SHROOM4: variants seen among roughly 807,000 people sequenced by gnomAD.
SHROOM4 encodes protein Shroom4.
A neutral mutation model predicts 80.3 loss-of-function variants in SHROOM4; 17 were observed. That is an observed-to-expected ratio of 0.21 (90% CI 0.14 to 0.32). The LOEUF (loss-of-function observed/expected upper bound fraction) is 0.32. Among genes scored for constraint, SHROOM4 ranks in the 10% least tolerant of loss-of-function variants. SHROOM4 has a pLI of 1.00. For synonymous variants in SHROOM4, 400 were observed against 437.5 expected (o/e 0.91, Z 1.07); for missense variants, 993 against 1,140.3 (o/e 0.87, Z 1.86).
intron 4 of SHROOM4, among the ~76,000 whole-genome samples, chrX:50,629,028 T>C (rs1432084641): frequency 8.9e-6 from 1 of 111,859 alleles, no homozygotes; most frequent in African/African-American, 3.3e-5. Flanking sequence ...GGGGCCAGGA[T>C]TTCCTGTCCA....
At chrX:50,673,110 T>C (rs1932814671) in intron 2 of SHROOM4, among the ~76,000 whole-genome samples, 1 of 111,732 alleles carries the variant, frequency 8.9e-6, no homozygotes, top group Non-Finnish European at 1.9e-5. Flanking sequence ...AGAAATGACA[T>C]AGAAAATATG....
intron 1 of SHROOM4, among the ~76,000 whole-genome samples, chrX:50,754,765 G>A (rs931781890): frequency 2.5e-4 from 28 of 111,837 alleles, no homozygotes; most frequent in African/African-American, 8.4e-4. Flanking sequence ...TACAAGTGAC[G>A]TGCCAAACCC....
At chrX:50,796,516 T>G (rs1166086987) in intron 1 of SHROOM4, among the ~76,000 whole-genome samples, 2 of 111,282 alleles carry the variant, frequency 1.8e-5, no homozygotes, top group African/African-American at 6.5e-5. Context: ...TGGTCTAGAA[T>G]GTCGGAGGTG....
At chrX:50,619,339 C>A (rs184612609) in intron 5 of SHROOM4, among the ~76,000 whole-genome samples, 1 of 111,331 alleles carries the variant, frequency 9.0e-6, no homozygotes, top group East Asian at 2.8e-4. Context: ...CTCGCCTTTC[C>A]CTTCCCTCAG....
intron 1 of SHROOM4, among the ~76,000 whole-genome samples, chrX:50,791,852 T>A (rs1292963950): frequency 3.6e-5 from 4 of 110,724 alleles, no homozygotes; most frequent in African/African-American, 1.3e-4. Context: ...CAACAGTATG[T>A]ACATATAGAG....
At chrX:50,729,440 T>C (rs1557266127) in intron 1 of SHROOM4, among the ~76,000 whole-genome samples, 1 of 110,752 alleles carries the variant, frequency 9.0e-6, no homozygotes, top group African/African-American at 3.3e-5. Context: ...TACAGATGAA[T>C]AGAGATTATA....
At chrX:50,626,153 G>A (rs782722766) in intron 5 of SHROOM4, among the ~76,000 whole-genome samples, 4 of 111,667 alleles carry the variant, frequency 3.6e-5, no homozygotes, top group Admixed American at 9.5e-5. Flanking sequence ...ATCTGGCTTT[G>A]TACCCAGGCA....
chrX:50,775,366 C>A (rs144236259), intron 1 of SHROOM4, among the ~76,000 whole-genome samples: 2 of 111,247 alleles, frequency 1.8e-5, no homozygotes, highest in African/African-American at 3.3e-5. Context: ...ACCCAGCAAG[C>A]GAGGTCAGAG....
intron 1 of SHROOM4, among the ~76,000 whole-genome samples, chrX:50,773,248 T>C (rs1557269854): frequency 1.8e-5 from 2 of 112,169 alleles, no homozygotes. Flanking sequence ...TTACATACAA[T>C]GTAAGTTTTC....
chrX:50,772,623 T>C (rs1935421333), intron 1 of SHROOM4, among the ~76,000 whole-genome samples: 2 of 111,993 alleles, frequency 1.8e-5, no homozygotes, highest in Admixed American at 9.5e-5. Flanking sequence ...TAACTGTTTC[T>C]AGCTCAGAGC....
intron 1 of SHROOM4, among the ~76,000 whole-genome samples, chrX:50,716,103 C>T (rs149537780): frequency 0.029 from 2,981 of 103,455 alleles, 126 homozygotes; most frequent in African/African-American, 0.1. Flanking sequence ...AAGCCAGGCA[C>T]AGAAAGACAA....
intron 2 of SHROOM4, among the ~76,000 whole-genome samples, chrX:50,651,665 G>T (rs1477111046): frequency 1.8e-5 from 2 of 111,331 alleles, no homozygotes; most frequent in Non-Finnish European, 3.8e-5. Context: ...CACGTGTCAT[G>T]GTGGTTTGAT....
intron 2 of SHROOM4, among the ~76,000 whole-genome samples, chrX:50,647,370 A>G (rs1557258081): frequency 9.0e-6 from 1 of 111,552 alleles, no homozygotes; most frequent in Non-Finnish European, 1.9e-5. Flanking sequence ...TACAGAAGTT[A>G]AGGGTGCAAC....
At chrX:50,793,398 T>C (rs1935892686) in intron 1 of SHROOM4, among the ~76,000 whole-genome samples, 1 of 110,369 alleles carries the variant, frequency 9.1e-6, no homozygotes, top group Admixed American at 9.8e-5. Flanking sequence ...TGTGGTATTG[T>C]GAACTTAAAA....
intron 5 of SHROOM4, among the ~76,000 whole-genome samples, chrX:50,612,733 C>A (rs1930056598): frequency 9.0e-6 from 1 of 111,594 alleles, no homozygotes; most frequent in Admixed American, 9.5e-5. Context: ...AATAGAAAAT[C>A]TACTGATATA....
At chrX:50,664,921 C>T (rs1557260219) in intron 2 of SHROOM4, among the ~76,000 whole-genome samples, 1 of 104,510 alleles carries the variant, frequency 9.6e-6, no homozygotes, top group Non-Finnish European at 1.9e-5. Context: ...ACCACACACA[C>T]CACACAGACA....
intron 2 of SHROOM4, among the ~76,000 whole-genome samples, chrX:50,673,285 G>A (rs1932816980): frequency 9.1e-6 from 1 of 110,361 alleles, no homozygotes; most frequent in African/African-American, 3.3e-5. Context: ...AGCATAAAGA[G>A]ATGTAAAGAA....
chrX:50,615,661 A>G (rs1355399270), intron 5 of SHROOM4, among the ~76,000 whole-genome samples: 1 of 111,765 alleles, frequency 8.9e-6, no homozygotes, highest in Non-Finnish European at 1.9e-5. Flanking sequence ...GAAAAGAAGA[A>G]AAGTTAGATC....
chrX:50,755,025 A>G (rs1185683836), intron 1 of SHROOM4, among the ~76,000 whole-genome samples: 2 of 112,323 alleles, frequency 1.8e-5, no homozygotes, highest in African/African-American at 6.5e-5. Context: ...ATGGGAATGA[A>G]TATCTAACAG....
Sources: allele counts gnomAD v4.1 joint callset (sites outside exome capture counted in the v4.1 genomes callset), GRCh38; gene constraint gnomAD v4.1.1; transcripts MANE v1.5; gene names NCBI Gene and HGNC (gene_info 2026-07-23, HGNC 2026-07-21).